The following CNIH3 variants were observed in gnomAD, a reference collection of about 807,000 sequenced individuals.
The protein encoded by CNIH3 is protein cornichon homolog 3.
In CNIH3, 14 loss-of-function variants were observed where a neutral mutation model predicts 24.1. The ratio of observed to expected loss-of-function variants is 0.58; its 90% CI spans 0.38 to 0.91. The LOEUF is 0.91. Ranked by LOEUF, CNIH3 falls within the 40% of genes least tolerant of loss-of-function variation. The pLI is 0.00. For synonymous variants in CNIH3, 68 were observed against 73.8 expected, an observed-to-expected ratio of 0.92 and a Z score of 0.40; for missense variants, 178 against 196.8, an observed-to-expected ratio of 0.90 and a Z score of 0.57.
rs140793191 is a variant in CNIH3 at position 224,479,387 on chromosome 1, C to G, written n.204-36354C>G. Among the ~76,000 whole-genome samples the G allele has an allele frequency of 9.5e-3, 1,441 of 152,130 alleles. 22 individuals are homozygous for G. The highest frequency in any genetic ancestry group is 0.032 in the African/African-American group (1,334 of 41,488). On this transcript the variant is annotated intron_variant and non_coding_transcript_variant, in intron 1 of 5. Coordinates refer to the CNIH3 transcript ENST00000471578. ...CAGGCTGGTCTCAAACTCCTGACCT[C>G]AAGTGATCTGCCCGCCTTGGCCTCC...
chr1:224,674,345 A>G (rs958628446), intron 1 of CNIH3, among the ~76,000 whole-genome samples: 62 of 126,008 alleles, frequency 4.9e-4, no homozygotes, highest in African/African-American at 1.9e-3. Context: ...CAAAATAATG[A>G]TTTCAGACAA....
intron 1 of CNIH3, among the ~76,000 whole-genome samples, chr1:224,650,954 G>A (rs1232278246): frequency 6.6e-6 from 1 of 152,154 alleles, no homozygotes; most frequent in African/African-American, 2.4e-5. Context: ...GCTTGATGGG[G>A]TCTTTTGGAG....
chr1:224,470,770 T>A (rs1467332344), intron 1 of CNIH3, among the ~76,000 whole-genome samples: 1 of 152,220 alleles, frequency 6.6e-6, no homozygotes, highest in African/African-American at 2.4e-5. Context: ...CTCTTTCAGT[T>A]CTTTAAAGAT....
chr1:224,500,596 T>G (rs1171616309), intron 1 of CNIH3, among the ~76,000 whole-genome samples: 1 of 151,756 alleles, frequency 6.6e-6, no homozygotes, highest in Admixed American at 6.6e-5. Flanking sequence ...TGGCTTGAAC[T>G]CAGGGGGCGG....
chr1:224,621,913 T>A (rs1683301128), intron 1 of CNIH3, among the ~76,000 whole-genome samples: 1 of 152,280 alleles, frequency 6.6e-6, no homozygotes, highest in Non-Finnish European at 1.5e-5. Flanking sequence ...GGATGGGGTT[T>A]TTTTTGTGCT....
chr1:224,632,176 C>T (rs946593218), intron 1 of CNIH3, among the ~76,000 whole-genome samples: 4 of 152,094 alleles, frequency 2.6e-5, no homozygotes, highest in East Asian at 1.9e-4. Context: ...TCGAATGGGG[C>T]GCAGGGAGAG....
Position 224,616,955 on chromosome 1 carries a change from G to A in CNIH3, c.-220G>A. 1 of 1,389,054 alleles carries A rather than the reference G, an allele frequency of 7.2e-7. No homozygotes were observed. The highest frequency in any genetic ancestry group is 9.3e-7 in the Non-Finnish European group (1 of 1,077,272). The allele number at this position is 1,389,054 out of a possible 1,614,324, so 86.0% of individuals were successfully genotyped here. A position where few individuals can be genotyped will look rare whatever the true frequency, so the allele number is the denominator to read the frequency against. ...AGCGACTCTCGACACACGTTTTCCTGTCTTCGCCGGAGGGCCGGGTCTGGG... is the reference window on the plus strand; with the variant it reads ...AGCGACTCTCGACACACGTTTTCCTATCTTCGCCGGAGGGCCGGGTCTGGG... On this transcript the variant is annotated 5_prime_UTR_variant, in exon 1 of 6. Coordinates refer to ENST00000272133, the MANE Select transcript of CNIH3 (RefSeq NM_152495.2).
rs1339480137 is a variant in CNIH3 at position 224,616,678 on chromosome 1, C to T, written c.-497C>T. 12 of 988,758 alleles carry T rather than the reference C, an allele frequency of 1.2e-5. No homozygotes were observed. Among genetic ancestry groups the T allele is most frequent in the Non-Finnish European group, 1.3e-5 (11 of 832,446 alleles). 61.2% of individuals were successfully genotyped at this position (988,758 alleles called of 1,614,324 possible). On this transcript the variant is annotated 5_prime_UTR_variant, in exon 1 of 6. Transcript: ENST00000272133. ...AGGAGCTCGGAGGCCGCTCGGGCAC[C>T]TCGCTGGACACTATCCGTTTGCGCC... is the stretch of plus-strand genomic sequence containing the variant.
At chr1:224,702,626 A>G (rs1687560836) in intron 3 of CNIH3, among the ~76,000 whole-genome samples, 1 of 152,174 alleles carries the variant, frequency 6.6e-6, no homozygotes, top group African/African-American at 2.4e-5. Flanking sequence ...AGCTTTCTCA[A>G]TCTCAGCAGC....
intron 1 of CNIH3, among the ~76,000 whole-genome samples, chr1:224,445,356 A>T (rs1675111328): frequency 6.6e-6 from 1 of 151,750 alleles, no homozygotes; most frequent in East Asian, 1.9e-4. Flanking sequence ...TGGGTGGGTC[A>T]CCTGAGGTCA....
chr1:224,585,827 A>G (rs1681484849), intron 5 of CNIH3, among the ~76,000 whole-genome samples: 1 of 152,142 alleles, frequency 6.6e-6, no homozygotes, highest in Non-Finnish European at 1.5e-5. Flanking sequence ...GCACATACAC[A>G]TGAATCAATG....
upstream of CNIH3, chr1:224,616,080 C>G (rs1157460388): frequency 6.5e-6 from 1 of 153,770 alleles, no homozygotes; most frequent in Non-Finnish European, 1.4e-5. Flanking sequence ...CCCACCTCCG[C>G]TCGGCCTCCA....
chr1:224,688,842 T>C (rs1319561272), intron 3 of CNIH3, among the ~76,000 whole-genome samples: 3 of 151,216 alleles, frequency 2.0e-5, no homozygotes, highest in Non-Finnish European at 2.9e-5. Flanking sequence ...GGAGAATCGC[T>C]TGAACCCAGG....
chr1:224,616,886 G>A lies in CNIH3; in HGVS notation c.-289G>A, dbSNP rs551359546. ...GCTTGGCACTAATTTGCAGGTGTTC[G>A]CTGCTGATTTGGTTTCTTCTTCGAT... On this transcript the variant is annotated 5_prime_UTR_variant, in exon 1 of 6. Coordinates refer to ENST00000272133, the MANE Select transcript of CNIH3 (RefSeq NM_152495.2). 29 of 1,264,784 alleles carry A rather than the reference G, an allele frequency of 2.3e-5. No individual in the cohort carries two copies. The highest frequency in any genetic ancestry group is 3.1e-4 in the Middle Eastern group (1 of 3,222). The allele number at this position is 1,264,784 out of a possible 1,614,324, so 78.3% of individuals were successfully genotyped here. A position where few individuals can be genotyped will look rare whatever the true frequency, so the allele number is the denominator to read the frequency against.
chr1:224,579,304 C>G (rs768683448), intron 4 of CNIH3, among the ~76,000 whole-genome samples: 2 of 152,048 alleles, frequency 1.3e-5, no homozygotes, highest in Non-Finnish European at 2.9e-5. Flanking sequence ...CCTCAAATGC[C>G]GCAATGAGTC....
At chr1:224,738,167 C>T (rs1689692315) in intron 5 of CNIH3, among the ~76,000 whole-genome samples, 1 of 152,234 alleles carries the variant, frequency 6.6e-6, no homozygotes, top group African/African-American at 2.4e-5. Context: ...TTTGTTGTTA[C>T]AGCTTAGCTG....
intron 2 of CNIH3, among the ~76,000 whole-genome samples, chr1:224,536,440 C>T (rs712079): frequency 0.95 from 144,440 of 151,878 alleles, 68,753 homozygotes; most frequent in East Asian, 1. Context: ...TACAGGCATG[C>T]GCCACCACGC....
At chr1:224,514,401 A>G (rs555868435), upstream of CNIH3, among the ~76,000 whole-genome samples, 6 of 152,310 alleles carry the variant, frequency 3.9e-5, no homozygotes, top group South Asian at 1.2e-3. Flanking sequence ...TGACATCTAA[A>G]TCTGCACACT....
rs1686363102 is a variant in CNIH3, at chr1:224,680,827, C to T, written c.82-131C>T. ...TGCCAGCTTCGACAGTGACCAGCTG[C>T]TGGCCAATCTCATGCCATCTACAGC... On this transcript the variant is annotated intron_variant, in intron 1 of 5. Coordinates refer to ENST00000272133, the MANE Select transcript of CNIH3 (RefSeq NM_152495.2). 3 of 682,510 alleles carry T rather than the reference C, an allele frequency of 4.4e-6. No individual in the cohort carries two copies. In the South Asian group the frequency reaches 5.2e-5, roughly 12 times the overall value. The allele number at this position is 682,510 out of a possible 1,614,324, so 42.3% of individuals were successfully genotyped here. A position where few individuals can be genotyped will look rare whatever the true frequency, so the allele number is the denominator to read the frequency against.
Sources: gnomAD v4.1 joint callset for allele counts (sites outside exome capture counted in the v4.1 genomes callset) on GRCh38, gnomAD v4.1.1 for gene constraint, MANE v1.5 for transcripts, NCBI Gene and HGNC (gene_info 2026-07-23, HGNC 2026-07-21) for gene names.